ASB10: variants seen among roughly 807,000 people sequenced by gnomAD.
ASB10 encodes ankyrin repeat and SOCS box containing 10, also known as ankyrin repeat and SOCS box protein 10.
Under a neutral mutation model 35.4 loss-of-function variants are expected in ASB10, and 44 were observed. The observed-to-expected ratio is 1.24, with a 90% confidence interval of 0.98 to 1.60. ASB10 has a LOEUF of 1.60. Ranked by LOEUF, ASB10 falls within the 40% of genes most tolerant of loss-of-function variation. The probability of loss-of-function intolerance (pLI) is 0.00; values close to 1 mark genes in which losing one functional copy is unlikely to be tolerated. For missense variants in ASB10, 647 were observed against 634.3 expected (o/e 1.02, Z -0.22); for synonymous variants, 294 against 280.4 (o/e 1.05, Z -0.49).
chr7:151,184,506 C>T (rs1358367250), intron 2 of ASB10, among the ~76,000 whole-genome samples: 1 of 152,070 alleles, frequency 6.6e-6, no homozygotes, highest in Non-Finnish European at 1.5e-5. Flanking sequence ...AGGACAAATA[C>T]CACATGATTC....
At chr7:151,183,527 C>G (rs914546146) in intron 2 of ASB10, among the ~76,000 whole-genome samples, 5 of 152,222 alleles carry the variant, frequency 3.3e-5, no homozygotes, top group African/African-American at 1.2e-4. Context: ...CCTACCTCAG[C>G]CTCCTGAGTA....
In ASB10 at chr7:151,175,900, G is replaced by T; in HGVS notation, c.*67C>A. 1 of 600,456 alleles carries T rather than the reference G, an allele frequency of 1.7e-6. No homozygotes were observed. Among genetic ancestry groups the T allele is most frequent in the Non-Finnish European group, 2.8e-6 (1 of 361,254 alleles). The allele number at this position is 600,456 out of a possible 1,614,324, so 37.2% of individuals were successfully genotyped here. A position where few individuals can be genotyped will look rare whatever the true frequency, so the allele number is the denominator to read the frequency against. On this transcript the variant is annotated 3_prime_UTR_variant, in exon 6 of 6. Coordinates refer to ENST00000420175, the MANE Select transcript of ASB10 (RefSeq NM_001142459.2). ...TGCCAGGGCTACCTGGCCTGAGTTA[G>T]TGCAGAGGCGCGCCCTCTGCAGGCT...
In ASB10 at chr7:151,176,301, G is replaced by C. The variant is rs1440294457; in HGVS notation, c.1219-4C>G. On this transcript the variant is annotated splice_region_variant and splice_polypyrimidine_tract_variant and intron_variant, in intron 4 of 5. Coordinates refer to ENST00000420175, the MANE Select transcript of ASB10 (RefSeq NM_001142459.2). The stretch of plus-strand genomic sequence containing the variant: ...AGGAGTAGAAACGCTGATGTTTCTG[G>C]GGGCAGAACAAGGGGCTCAGTGAGA... 2 of 1,539,838 alleles carry C rather than the reference G, an allele frequency of 1.3e-6. No individual in the cohort carries two copies. The highest frequency in any genetic ancestry group is 1.3e-5 in the South Asian group (1 of 78,752).
Position 151,187,058 on chromosome 7 carries a change from C to G in ASB10, c.73G>C (p.Ala25Pro), listed in dbSNP as rs758486632. 2.5e-6 allele frequency: 4 copies of G among 1,609,906 alleles called. No homozygotes were observed. The South Asian group carries it at 4.4e-5, about 18-fold the overall frequency. Residue 25 changes from alanine (A) to proline (P), a missense_variant, in exon 1 of 6, where the codon GCC (alanine) becomes CCC (proline). Transcript: ENST00000420175. This position sits in a 1 kb window ranked among gnomAD's most constrained non-coding sequence, Gnocchi z 5.3. ...CTGCTGGGCTTCTCCACCAGCCTGG[C>G]ACAGAGGGGGTGTCTGTCATCGAGG... ...EPLDDRHPLC[A>P]RLVEKPSRGS... is the part of the protein sequence containing the mutation.
At chr7:151,178,759 C>G (rs529225318) in intron 3 of ASB10, among the ~76,000 whole-genome samples, 57 of 152,278 alleles carry the variant, frequency 3.7e-4, no homozygotes, top group African/African-American at 1.3e-3. Context: ...CACCTGGGGC[C>G]TCTGCTTCTA....
At chr7:151,179,510 G>A (rs999420147) in intron 3 of ASB10, among the ~76,000 whole-genome samples, 7 of 152,186 alleles carry the variant, frequency 4.6e-5, no homozygotes, top group African/African-American at 1.4e-4. Context: ...ACACCCATAC[G>A]AACAAGCATC....
chr7:151,185,189 G>A (rs941649211), intron 2 of ASB10, among the ~76,000 whole-genome samples: 7 of 135,520 alleles, frequency 5.2e-5, no homozygotes, highest in African/African-American at 8.4e-5. Flanking sequence ...TCTAATCTCC[G>A]CTCACTGCAA....
Position 151,176,222 on chromosome 7 carries a change from C to G in ASB10, c.1294G>C (p.Ala432Pro), listed in dbSNP as rs745638384. The change falls in exon 5 of 6, where the codon GCG becomes CCG. Residue 432 changes from alanine (A) to proline (P), a missense_variant. By Grantham distance (27) the Ala-to-Pro change is conservative (BLOSUM62 -1). Coordinates refer to ENST00000420175, the MANE Select transcript of ASB10 (RefSeq NM_001142459.2). Reference sequence around the variant, plus strand: ...CTGCCCTCCAGGTGGGAGCGGAGCGCACAGCGGCTCAAATGCTGCAGCGAC... The same window carrying G: ...CTGCCCTCCAGGTGGGAGCGGAGCGGACAGCGGCTCAAATGCTGCAGCGAC... ...PRSLQHLSRC[A>P]LRSHLEGSLP... 6 of 1,604,564 alleles carry G rather than the reference C, an allele frequency of 3.7e-6. No individual in the cohort carries two copies. In the South Asian group the frequency reaches 6.7e-5, roughly 18 times the overall value.
In ASB10 at chr7:151,181,240, G is replaced by A; in HGVS notation, c.803C>T (p.Ala268Val). 1 of 1,613,074 alleles carries A rather than the reference G, an allele frequency of 6.2e-7. No homozygotes were observed. Among genetic ancestry groups the A allele is most frequent in the African/African-American group, 1.3e-5 (1 of 75,052 alleles). Residue 268 changes from alanine (A) to valine (V), a missense_variant, in exon 3 of 6, where the codon GCC becomes GTC. Physicochemically the swap from Ala to Val is moderately conservative, Grantham distance 64. Coordinates refer to ENST00000420175, the MANE Select transcript of ASB10 (RefSeq NM_001142459.2). ...CAGCTGCAGGCAGCGGGCGGTGGTG[G>A]CCTCGGCATCGGTGATGGACTGGCA... ...VRCQSITDAE[A>V]TTARCLQLCS...
intron 3 of ASB10, among the ~76,000 whole-genome samples, chr7:151,179,368 T>C (rs951638026): frequency 1.3e-5 from 2 of 152,312 alleles, no homozygotes; most frequent in African/African-American, 4.8e-5. Flanking sequence ...GGAACTCCTG[T>C]AACAGGAAAT....
intron 2 of ASB10, among the ~76,000 whole-genome samples, chr7:151,182,827 C>G (rs905607711): frequency 1.3e-5 from 2 of 152,132 alleles, no homozygotes; most frequent in South Asian, 4.1e-4. Flanking sequence ...CTCAAAATGA[C>G]GACACTTGGC....
At chr7:151,179,712 C>T (rs1584813135) in intron 3 of ASB10, among the ~76,000 whole-genome samples, 1 of 152,200 alleles carries the variant, frequency 6.6e-6, no homozygotes, top group Non-Finnish European at 1.5e-5. Context: ...CTGCCAGCCC[C>T]TTTGGTCCCA....
intron 2 of ASB10, among the ~76,000 whole-genome samples, chr7:151,184,233 G>A (rs1258031935): frequency 6.6e-6 from 1 of 151,940 alleles, no homozygotes. Flanking sequence ...CTAACACGGT[G>A]AAACCCCGTC....
chr7:151,181,545 C>G lies in ASB10; in HGVS notation c.585-87G>C, dbSNP rs977601783. The G allele has an allele frequency of 1.2e-5, 17 of 1,453,324 alleles. No individual in the cohort carries two copies. The African/African-American group carries it at 2.3e-4, about 19-fold the overall frequency. 90.0% of individuals were successfully genotyped at this position (1,453,324 alleles called of 1,614,324 possible). Reference sequence around the variant, plus strand: ...TGGGTGGCTCTTGGTTCTGTCTCCCCCCACCCACCCTCCATCCTGCCCATC... The same window carrying G: ...TGGGTGGCTCTTGGTTCTGTCTCCCGCCACCCACCCTCCATCCTGCCCATC... On this transcript the variant is annotated intron_variant, in intron 2 of 5. Coordinates refer to ENST00000420175, the MANE Select transcript of ASB10 (RefSeq NM_001142459.2).
At chr7:151,185,005 G>A (rs1199349000) in intron 2 of ASB10, among the ~76,000 whole-genome samples, 1 of 151,702 alleles carries the variant, frequency 6.6e-6, no homozygotes, top group Admixed American at 6.6e-5. Context: ...CTGGGCGGCA[G>A]AGCAAGACTC....
At chr7:151,179,250 G>C (rs1801444566) in intron 3 of ASB10, among the ~76,000 whole-genome samples, 1 of 152,244 alleles carries the variant, frequency 6.6e-6, no homozygotes, top group African/African-American at 2.4e-5. Flanking sequence ...ACAAAACTGA[G>C]GCCTAGGGAG....
chr7:151,176,100 C>T lies in ASB10; in HGVS notation c.*12G>A. On this transcript the variant is annotated intron_variant, in intron 5 of 5. Transcript: ENST00000420175. ...CAAGCAGCTGTGACTGCTCACAGATCCCGGGGCTCACCTAGTAGAGCACGC... is the reference window on the plus strand; with the variant it reads ...CAAGCAGCTGTGACTGCTCACAGATTCCGGGGCTCACCTAGTAGAGCACGC... The T allele has an allele frequency of 3.1e-6, 5 of 1,609,902 alleles. No individual in the cohort carries two copies. Among genetic ancestry groups the T allele is most frequent in the Non-Finnish European group, 4.2e-6 (5 of 1,179,274 alleles).
Position 151,181,465 on chromosome 7 carries a change from G to T in ASB10, c.585-7C>A, listed in dbSNP as rs777964216. 3.1e-5 allele frequency: 48 copies of T among 1,570,984 alleles called. No individual in the cohort carries two copies. The Admixed American group carries it at 7.6e-4, about 25-fold the overall frequency. On this transcript the variant is annotated splice_region_variant and splice_polypyrimidine_tract_variant and intron_variant, in intron 2 of 5. Coordinates refer to ENST00000420175, the MANE Select transcript of ASB10 (RefSeq NM_001142459.2). ...GAGGAGCAGCTCCGCACACCTATTG[G>T]GGGGAGACGGTGGTGGGGAGGAAAG...
In ASB10 at chr7:151,176,741, T is replaced by C. The variant is rs1801397216; in HGVS notation, c.1105-65A>G. 2.0e-5 allele frequency: 24 copies of C among 1,184,678 alleles called. 1 individual carries two copies. In the Middle Eastern group the frequency reaches 5.8e-4, roughly 29 times the overall value. The allele number at this position is 1,184,678 out of a possible 1,614,324, so 73.4% of individuals were successfully genotyped here. A position where few individuals can be genotyped will look rare whatever the true frequency, so the allele number is the denominator to read the frequency against. On this transcript the variant is annotated intron_variant, in intron 3 of 5. Transcript: ENST00000420175. ...ACACAGTGACCAGACAGCTCCAGAA[T>C]AGTTGTTGTGGGTTGAACTTTGTTC...
Sources: allele counts gnomAD v4.1 joint callset (sites outside exome capture counted in the v4.1 genomes callset), GRCh38; gene constraint gnomAD v4.1.1; non-coding constraint Gnocchi (gnomAD v3.1); transcripts MANE v1.5; gene names NCBI Gene and HGNC (gene_info 2026-07-23, HGNC 2026-07-21).